PCDH15: variants seen among roughly 807,000 people sequenced by gnomAD.
PCDH15 encodes the protein protocadherin related 15, also known as protocadherin-15.
A neutral mutation model predicts 178.5 loss-of-function variants in PCDH15; 129 were observed. The observed-to-expected ratio is 0.72, with a 90% CI of 0.63 to 0.84. The LOEUF (loss-of-function observed/expected upper bound fraction) is 0.84, where lower values mean the gene tolerates loss of function less well. PCDH15 is among the 40% of genes least tolerant of loss of function. The pLI is 0.00. For missense variants in PCDH15, 2,230 were observed against 2,099.9 expected, an observed-to-expected ratio of 1.06 and a Z score of -1.21; for synonymous variants, 800 against 732.0, an observed-to-expected ratio of 1.09 and a Z score of -1.50.
intron 13 of PCDH15, among the ~76,000 whole-genome samples, chr10:54,174,377 A>C (rs2047209143): frequency 6.9e-6 from 1 of 144,738 alleles, no homozygotes; most frequent in African/African-American, 2.6e-5. Context: ...ATAAAAATAC[A>C]AAAAAAAAAT....
chr10:55,433,939 T>A (rs1262093558), intron 2 of PCDH15, among the ~76,000 whole-genome samples: 2 of 152,108 alleles, frequency 1.3e-5, no homozygotes, highest in East Asian at 3.9e-4. Flanking sequence ...AGTCCTCATA[T>A]ATGTGTGGTT....
chr10:55,341,803 ATATTTTTTTTT>A (rs1844600837), intron 2 of PCDH15, among the ~76,000 whole-genome samples: 4 of 11,334 alleles, frequency 3.5e-4, no homozygotes, highest in East Asian at 1.8e-3. Flanking sequence ...ATATATATAT[ATATTTTTTTTT>A]TTTTTTTTTT....
chr10:55,088,566 T>G (rs1286965159), intron 2 of PCDH15, among the ~76,000 whole-genome samples: 1 of 151,858 alleles, frequency 6.6e-6, no homozygotes, highest in Non-Finnish European at 1.5e-5. Flanking sequence ...GAGCCACCCC[T>G]CCCAGACTAG....
intron 32 of PCDH15, chr10:53,822,509 GT>G: frequency 3.1e-6 from 5 of 1,612,782 alleles, no homozygotes; most frequent in Non-Finnish European, 4.2e-6. Flanking sequence ...AAGGAGAGAT[GT>G]TTGGTGGATG....
intron 21 of PCDH15, among the ~76,000 whole-genome samples, chr10:53,979,418 C>T (rs992520009): frequency 1.5e-4 from 23 of 152,178 alleles, no homozygotes; most frequent in Admixed American, 1.2e-3. Context: ...TCCCACTACA[C>T]GTGAAGATTA....
At chr10:54,305,868 C>T (rs1339218153) in intron 8 of PCDH15, among the ~76,000 whole-genome samples, 1 of 151,588 alleles carries the variant, frequency 6.6e-6, no homozygotes, top group Non-Finnish European at 1.5e-5. Context: ...TCACCTCAGC[C>T]AAAGAATATG....
At chr10:54,099,498 C>CAA (rs755057091) in intron 15 of PCDH15, among the ~76,000 whole-genome samples, 25 of 49,952 alleles carry the variant, frequency 5.0e-4, no homozygotes, top group African/African-American at 1.5e-3. Context: ...GACTCCATCT[C>CAA]AAAAAAAAAA....
intron 1 of PCDH15, among the ~76,000 whole-genome samples, chr10:54,756,065 A>G (rs1294051992): frequency 2.1e-5 from 3 of 139,564 alleles, no homozygotes; most frequent in Non-Finnish European, 4.6e-5. Flanking sequence ...AAACACACAC[A>G]CACACACACA....
chr10:54,625,848 C>T (rs1397743497), intron 2 of PCDH15, among the ~76,000 whole-genome samples: 2 of 152,250 alleles, frequency 1.3e-5, no homozygotes, highest in African/African-American at 4.8e-5. Flanking sequence ...GTTTAGAGGG[C>T]TCAGAAGAAG....
rs1565123061 is a variant in PCDH15, at chr10:54,377,498, G to T, written c.318+1284C>A. 3.3e-5 allele frequency among the ~76,000 whole-genome samples: 5 copies of T among 152,008 alleles called. No individual in the cohort carries two copies. In the South Asian group the frequency reaches 8.3e-4, roughly 25 times the overall value. The stretch of plus-strand genomic sequence containing the variant: ...AAAACATAATTCACAAGAATTCAAA[G>T]AATTCATAAGTAATAAAGCACATAG... On this transcript the variant is annotated intron_variant, in intron 4 of 37. Transcript: ENST00000644397.
chr10:53,864,347 A>C (rs950758876), intron 27 of PCDH15, among the ~76,000 whole-genome samples: 1 of 152,128 alleles, frequency 6.6e-6, no homozygotes, highest in African/African-American at 2.4e-5. Flanking sequence ...CAAACAAACA[A>C]ACAAAAATAC....
intron 1 of PCDH15, among the ~76,000 whole-genome samples, chr10:54,756,089 A>ACACACACTCACT (rs1555182950): frequency 6.7e-6 from 1 of 148,228 alleles, no homozygotes; most frequent in Non-Finnish European, 1.5e-5. Context: ...ACACACACAC[A>ACACACACTCACT]CACACACAAA....
At chr10:54,572,755 C>T (rs1040060340) in intron 2 of PCDH15, among the ~76,000 whole-genome samples, 1 of 151,974 alleles carries the variant, frequency 6.6e-6, no homozygotes, top group Non-Finnish European at 1.5e-5. Context: ...TATTATCTTG[C>T]TTGTAGAAAG....
At chr10:54,131,970 C>T (rs2042474674) in intron 15 of PCDH15, among the ~76,000 whole-genome samples, 1 of 152,152 alleles carries the variant, frequency 6.6e-6, no homozygotes, top group East Asian at 1.9e-4. Context: ...TATGTCACGT[C>T]AGCTGATGGT....
At chr10:55,601,715 A>G (rs541985185) in intron 2 of PCDH15, among the ~76,000 whole-genome samples, 2 of 152,336 alleles carry the variant, frequency 1.3e-5, no homozygotes, top group African/African-American at 4.8e-5. Context: ...TAGCAGGAAC[A>G]AAAAAGAATT....
intron 2 of PCDH15, among the ~76,000 whole-genome samples, chr10:54,553,323 T>G (rs1403743638): frequency 6.6e-6 from 1 of 152,174 alleles, no homozygotes; most frequent in African/African-American, 2.4e-5. Flanking sequence ...CTTGAGAGAC[T>G]CTGCAACTGT....
At chr10:55,352,600 T>C (rs1446463528) in intron 2 of PCDH15, among the ~76,000 whole-genome samples, 3 of 152,026 alleles carry the variant, frequency 2.0e-5, no homozygotes, top group Admixed American at 6.6e-5. Flanking sequence ...TTGAAGCAAA[T>C]AGAAAAGTGA....
At chr10:54,445,347 T>C (rs1182579589) in intron 3 of PCDH15, among the ~76,000 whole-genome samples, 1 of 151,396 alleles carries the variant, frequency 6.6e-6, no homozygotes, top group Non-Finnish European at 1.5e-5. Flanking sequence ...TTGTTTAGAA[T>C]AAAAACAGAA....
At chr10:54,442,271 T>A (rs1355637436) in intron 3 of PCDH15, among the ~76,000 whole-genome samples, 1 of 150,028 alleles carries the variant, frequency 6.7e-6, no homozygotes, top group Non-Finnish European at 1.5e-5. Flanking sequence ...TATATTGGAC[T>A]TGGGATCTCA....
Sources: allele counts gnomAD v4.1 joint callset (sites outside exome capture counted in the v4.1 genomes callset), GRCh38; gene constraint gnomAD v4.1.1; transcripts MANE v1.5; gene names NCBI Gene and HGNC (gene_info 2026-07-23, HGNC 2026-07-21).